NME9: variants seen among roughly 807,000 people sequenced by gnomAD.
NME9 encodes thioredoxin domain-containing protein 6.
Under a neutral mutation model 44.4 loss-of-function variants are expected in NME9, and 48 were observed. The ratio of observed to expected loss-of-function variants is 1.08; its 90% CI spans 0.86 to 1.37. The LOEUF is 1.37. NME9 is among the 40% of genes most tolerant of loss of function. NME9 has a pLI of 0.00. For synonymous variants in NME9, 139 were observed against 147.1 expected (o/e 0.94, Z 0.40); for missense variants, 325 against 405.2 (o/e 0.80, Z 1.70).
chr3:138,301,572 C>T lies in NME9; in HGVS notation c.*68G>A, dbSNP rs558805315. 41 of 1,522,966 alleles carry T rather than the reference C, an allele frequency of 2.7e-5. 1 individual carries two copies. The South Asian group carries it at 4.0e-4, about 15-fold the overall frequency. The allele number at this position is 1,522,966 out of a possible 1,614,324, so 94.3% of individuals were successfully genotyped here. On this transcript the variant is annotated 3_prime_UTR_variant, in exon 11 of 11. Transcript: ENST00000333911. ...TATTGGTACTCAAAAGAGTAAGTTC[C>T]GATTCCGGAGGTCTGTTTTGTGCAG...
rs753334372 is a variant in NME9, at chr3:138,304,923, G to A, written c.741C>T (p.Thr247=). The change falls in exon 9 of 11, where the codon ACC becomes ACT. Residue 247 remains threonine (T), a synonymous_variant. Coordinates refer to ENST00000333911, the MANE Select transcript of NME9 (RefSeq NM_001349018.2). ...CATTGGGGTCACGGGGGCCCATGAC[G>A]GTTCGCCAGGTAGTGACCACGTCCT... ...GFEDVVTTWR[T]VMGPRDPNVA... is the part of the protein sequence containing the mutation. 1.2e-5 allele frequency: 19 copies of A among 1,614,002 alleles called. No individual in the cohort carries two copies. The highest frequency in any genetic ancestry group is 1.1e-5 in the South Asian group (1 of 91,076).
At chr3:138,297,385 AAAG>A (rs1172957070), downstream of NME9, 1 of 152,138 alleles carries the variant, frequency 6.6e-6, no homozygotes, top group Non-Finnish European at 1.5e-5. Flanking sequence ...CTCTTTGCTA[AAAG>A]AAGGTCAAAG....
intron 8 of NME9, among the ~76,000 whole-genome samples, chr3:138,275,002 A>G (rs937896733): frequency 6.6e-6 from 1 of 152,196 alleles, no homozygotes; most frequent in Non-Finnish European, 1.5e-5. Flanking sequence ...TCCTCATCCC[A>G]TAACCCTACT....
At chr3:138,324,244 G>A (rs2053638651) in intron 2 of NME9, 1 of 324,816 alleles carries the variant, frequency 3.1e-6, no homozygotes, top group South Asian at 2.6e-5. Flanking sequence ...AAAGAACTTG[G>A]AAGCAAATCT....
downstream of NME9, among the ~76,000 whole-genome samples, chr3:138,299,211 G>A (rs2051715971): frequency 6.6e-6 from 1 of 152,136 alleles, no homozygotes; most frequent in Admixed American, 6.5e-5. Flanking sequence ...TGGCTTTAGG[G>A]AAGGCTGAGG....
At chr3:138,281,314 TAGAG>T (rs948731162) in intron 8 of NME9, among the ~76,000 whole-genome samples, 30 of 151,488 alleles carry the variant, frequency 2.0e-4, no homozygotes, top group Non-Finnish European at 4.4e-4. Context: ...TTTTTTTTGA[TAGAG>T]AGTCTCACTC....
chr3:138,268,414 G>A (rs1378823176), intron 8 of NME9, among the ~76,000 whole-genome samples: 1 of 152,158 alleles, frequency 6.6e-6, no homozygotes, highest in Non-Finnish European at 1.5e-5. Flanking sequence ...GTCTTGGCCT[G>A]ATGATAATCC....
chr3:138,328,092 A>C (rs922875934), intron 1 of NME9, among the ~76,000 whole-genome samples: 8 of 152,220 alleles, frequency 5.3e-5, no homozygotes, highest in African/African-American at 1.9e-4. Flanking sequence ...AATGAATGGT[A>C]GGACCAGTTG....
chr3:138,309,469 G>A (rs1034578357), intron 6 of NME9, among the ~76,000 whole-genome samples: 27 of 152,244 alleles, frequency 1.8e-4, no homozygotes, highest in East Asian at 7.8e-4. Flanking sequence ...TGGATCACTC[G>A]AGGCTAGGAG....
chr3:138,265,981 G>A (rs1394502055), intron 8 of NME9, among the ~76,000 whole-genome samples: 1 of 152,170 alleles, frequency 6.6e-6, no homozygotes, highest in African/African-American at 2.4e-5. Flanking sequence ...CACTACTCAG[G>A]AGCTGTCAGG....
At chr3:138,287,829 G>T in intron 8 of NME9, 1 of 334,678 alleles carries the variant, frequency 3.0e-6, no homozygotes, top group South Asian at 2.5e-5. Context: ...TACTCTCTCA[G>T]ATGTGCATAA....
chr3:138,282,992 C>T (rs182206053), intron 8 of NME9, among the ~76,000 whole-genome samples: 1 of 152,338 alleles, frequency 6.6e-6, no homozygotes, highest in East Asian at 1.9e-4. Context: ...ACACCTTCTC[C>T]AGATCAGATC....
intron 1 of NME9, among the ~76,000 whole-genome samples, chr3:138,328,643 T>C (rs916025435): frequency 1.3e-5 from 2 of 152,172 alleles, no homozygotes; most frequent in African/African-American, 4.8e-5. Flanking sequence ...CACTCTCTCC[T>C]AATTCCAGGG....
At chr3:138,277,182 A>ACT (rs2049379816) in intron 8 of NME9, among the ~76,000 whole-genome samples, 8 of 152,208 alleles carry the variant, frequency 5.3e-5, no homozygotes, top group Non-Finnish European at 8.8e-5. Flanking sequence ...TGGAGAAAGA[A>ACT]TGGTCTTTTC....
intron 8 of NME9, among the ~76,000 whole-genome samples, chr3:138,284,839 G>A (rs138881034): frequency 7.0e-4 from 107 of 152,218 alleles, no homozygotes; most frequent in Non-Finnish European, 9.1e-4. Context: ...CCTGTCTTCT[G>A]TCTCAAGGCT....
chr3:138,316,542 C>T (rs1329784824), intron 4 of NME9, among the ~76,000 whole-genome samples: 1 of 152,162 alleles, frequency 6.6e-6, no homozygotes. Context: ...GTCAGGGAAG[C>T]CTTCACAGTC....
chr3:138,282,055 G>A (rs752012214), intron 8 of NME9, among the ~76,000 whole-genome samples: 2 of 152,146 alleles, frequency 1.3e-5, no homozygotes, highest in Non-Finnish European at 2.9e-5. Flanking sequence ...TGCTGCCCCC[G>A]CTCCTACTTC....
At chr3:138,279,200 TTGAG>T (rs1315506700) in intron 8 of NME9, among the ~76,000 whole-genome samples, 1 of 152,186 alleles carries the variant, frequency 6.6e-6, no homozygotes, top group Non-Finnish European at 1.5e-5. Context: ...TTCTAGTTTG[TTGAG>T]TTTTTACCAT....
At chr3:138,267,820 T>C (rs1226421125) in intron 8 of NME9, among the ~76,000 whole-genome samples, 2 of 152,256 alleles carry the variant, frequency 1.3e-5, no homozygotes, top group Non-Finnish European at 2.9e-5. Flanking sequence ...TATGTCATAA[T>C]ACCCCTGATC....
Sources: allele counts gnomAD v4.1 joint callset (sites outside exome capture counted in the v4.1 genomes callset), GRCh38; gene constraint gnomAD v4.1.1; transcripts MANE v1.5; gene names NCBI Gene and HGNC (gene_info 2026-07-23, HGNC 2026-07-21).